DGKB: variants seen among roughly 807,000 people sequenced by gnomAD.
DGKB encodes the protein diacylglycerol kinase beta.
DGKB carries 67 observed loss-of-function variants against 114.3 expected under a neutral mutation model. That is an observed-to-expected ratio of 0.59 (90% CI 0.48 to 0.72). DGKB has a LOEUF of 0.72. DGKB is among the 30% of genes least tolerant of loss of function. The pLI is 0.00. For synonymous variants in DGKB, 398 were observed against 323.1 expected (o/e 1.23, Z -2.49); for missense variants, 907 against 975.2 (o/e 0.93, Z 0.93).
At chr7:14,642,627 A>G (rs1443754247) in intron 13 of DGKB, among the ~76,000 whole-genome samples, 2 of 152,316 alleles carry the variant, frequency 1.3e-5, no homozygotes, top group Admixed American at 6.5e-5. Context: ...AGCCTATAAT[A>G]TTTATTTTTG....
chr7:14,176,585 A>G, intron 25 of DGKB: 1 of 1,173,108 alleles, frequency 8.5e-7, no homozygotes, highest in East Asian at 3.6e-5. Context: ...TCTATGGTTT[A>G]TAATTGATCT....
At chr7:14,520,089 T>A (rs1789502427) in intron 20 of DGKB, among the ~76,000 whole-genome samples, 1 of 151,736 alleles carries the variant, frequency 6.6e-6, no homozygotes, top group Non-Finnish European at 1.5e-5. Context: ...TATGGGTCTT[T>A]CAATATAATG....
At chr7:14,361,392 A>G (rs1815711755) in intron 21 of DGKB, among the ~76,000 whole-genome samples, 1 of 152,034 alleles carries the variant, frequency 6.6e-6, no homozygotes, top group South Asian at 2.1e-4. Flanking sequence ...ATCAAATTGA[A>G]TAATTCTATA....
chr7:14,623,255 G>A (rs932016423), intron 14 of DGKB, among the ~76,000 whole-genome samples: 1 of 152,128 alleles, frequency 6.6e-6, no homozygotes. Context: ...AAGTGCTTTA[G>A]TGCCACACAT....
chr7:14,475,476 T>C (rs1255734521), intron 21 of DGKB, among the ~76,000 whole-genome samples: 1 of 152,130 alleles, frequency 6.6e-6, no homozygotes, highest in East Asian at 1.9e-4. Context: ...GATTGAAACA[T>C]ACATGCCTAA....
intron 1 of DGKB, among the ~76,000 whole-genome samples, chr7:14,843,331 T>C (rs1437367856): frequency 5.0e-5 from 6 of 120,144 alleles, no homozygotes; most frequent in Non-Finnish European, 8.7e-5. Context: ...TTTTTTTTTT[T>C]TTTTTTTTTT....
intron 21 of DGKB, among the ~76,000 whole-genome samples, chr7:14,387,859 T>C (rs552766298): frequency 1.3e-5 from 2 of 151,064 alleles, no homozygotes; most frequent in Admixed American, 6.7e-5. Context: ...AGTACAGGTA[T>C]CATCAGTTGA....
chr7:14,185,454 C>T (rs983602528), intron 23 of DGKB, among the ~76,000 whole-genome samples: 1 of 151,988 alleles, frequency 6.6e-6, no homozygotes, highest in African/African-American at 2.4e-5. Context: ...AAGCAATCTA[C>T]AATTCAATGC....
At chr7:14,925,041 T>C (rs934152908) in intron 1 of DGKB, among the ~76,000 whole-genome samples, 2 of 152,214 alleles carry the variant, frequency 1.3e-5, no homozygotes, top group South Asian at 4.1e-4. Flanking sequence ...CTTATAATGA[T>C]TGGCTTTTTT....
At chr7:14,952,798 T>C (rs981960080) in intron 1 of DGKB, among the ~76,000 whole-genome samples, 3 of 152,054 alleles carry the variant, frequency 2.0e-5, no homozygotes, top group Non-Finnish European at 2.9e-5. Context: ...TTTGAGGACC[T>C]ATAATTCCTG....
chr7:14,540,552 T>C (rs543032928), intron 20 of DGKB, among the ~76,000 whole-genome samples: 154 of 152,336 alleles, frequency 1.0e-3, no homozygotes, highest in African/African-American at 3.6e-3. Context: ...TTTTGACTGC[T>C]TGTGCAAAGT....
At chr7:14,573,467 CTGTGTGTGTGTGTG>C (rs4027158) in intron 20 of DGKB, among the ~76,000 whole-genome samples, 7 of 145,470 alleles carry the variant, frequency 4.8e-5, no homozygotes, top group South Asian at 2.3e-4. Context: ...TAATCTATCT[CTGTGTGTGTGTGTG>C]TGTGTGTGTG....
chr7:14,754,656 A>G (rs1834609437), intron 3 of DGKB, among the ~76,000 whole-genome samples: 1 of 152,170 alleles, frequency 6.6e-6, no homozygotes, highest in African/African-American at 2.4e-5. Flanking sequence ...GACTATTTAC[A>G]TGGCCTGACT....
intron 20 of DGKB, among the ~76,000 whole-genome samples, chr7:14,543,490 T>C (rs942323949): frequency 6.6e-6 from 1 of 151,796 alleles, no homozygotes; most frequent in African/African-American, 2.4e-5. Flanking sequence ...CTAAATACAA[T>C]AGAGTTAGAA....
At chr7:14,837,211 G>C (rs1437286125) in intron 2 of DGKB, among the ~76,000 whole-genome samples, 1 of 152,162 alleles carries the variant, frequency 6.6e-6, no homozygotes, top group Non-Finnish European at 1.5e-5. Context: ...TGGTATGCTA[G>C]ATACCTATCC....
At chr7:14,229,720 T>A (rs913601337) in intron 23 of DGKB, among the ~76,000 whole-genome samples, 6 of 151,996 alleles carry the variant, frequency 3.9e-5, no homozygotes, top group Admixed American at 3.9e-4. Context: ...ACACTTATGA[T>A]CAATGACCAT....
intron 21 of DGKB, among the ~76,000 whole-genome samples, chr7:14,424,548 T>G (rs1370048200): frequency 6.6e-6 from 1 of 152,246 alleles, no homozygotes; most frequent in Non-Finnish European, 1.5e-5. Context: ...TTCTGCTAAA[T>G]GTATTATATC....
chr7:14,300,962 C>G (rs1241274279), intron 23 of DGKB, among the ~76,000 whole-genome samples: 1 of 81,282 alleles, frequency 1.2e-5, no homozygotes, highest in South Asian at 4.7e-4. Flanking sequence ...TGAGGAAATC[C>G]TCTAACTGGA....
intron 1 of DGKB, among the ~76,000 whole-genome samples, chr7:14,843,351 G>A (rs1424909907): frequency 1.2e-4 from 12 of 102,024 alleles, no homozygotes; most frequent in Admixed American, 6.1e-4. Context: ...TTTTTGAGAC[G>A]GAGTCTCGCT....
Sources: gnomAD v4.1 joint callset for allele counts (sites outside exome capture counted in the v4.1 genomes callset) on GRCh38, gnomAD v4.1.1 for gene constraint, MANE v1.5 for transcripts, NCBI Gene and HGNC (gene_info 2026-07-23, HGNC 2026-07-21) for gene names.